Variants in ARFGEF3 observed in about 807,000 individuals in gnomAD.
ARFGEF3 encodes brefeldin A-inhibited guanine nucleotide-exchange protein 3.
A neutral mutation model predicts 221.7 loss-of-function variants in ARFGEF3; 96 were observed. The ratio of observed to expected loss-of-function variants is 0.43; its 90% CI spans 0.37 to 0.51. The LOEUF (loss-of-function observed/expected upper bound fraction) is 0.51. Ranked by LOEUF, ARFGEF3 falls within the 20% of genes least tolerant of loss-of-function variation. The probability of loss-of-function intolerance (pLI) is 0.00; values close to 1 mark genes in which losing one functional copy is unlikely to be tolerated. For missense variants in ARFGEF3, 2,410 were observed against 2,789.9 expected (o/e 0.86, Z 3.07); for synonymous variants, 1,145 against 1,126.8 (o/e 1.02, Z -0.32).
At chr6:138,265,618 G>A (rs1287606524) in intron 12 of ARFGEF3, among the ~76,000 whole-genome samples, 2 of 151,888 alleles carry the variant, frequency 1.3e-5, no homozygotes, top group Non-Finnish European at 1.5e-5. Flanking sequence ...GTGCATGTTT[G>A]TGTCTGTCTG....
At chr6:138,181,468 C>A (rs1777078030) in intron 2 of ARFGEF3, among the ~76,000 whole-genome samples, 1 of 152,116 alleles carries the variant, frequency 6.6e-6, no homozygotes, top group Non-Finnish European at 1.5e-5. Flanking sequence ...GAGACAGAGT[C>A]TCACTCACTC....
At chr6:138,296,670 G>A in intron 20 of ARFGEF3, 140 bp from the exon 21 acceptor site, 1 of 962,824 alleles carries the variant, frequency 1.0e-6, no homozygotes, top group South Asian at 1.6e-5. Flanking sequence ...TTGAATCCAG[G>A]GCTCCCTCCT....
intron 2 of ARFGEF3, among the ~76,000 whole-genome samples, chr6:138,204,395 C>T (rs1176310923): frequency 6.9e-6 from 1 of 145,044 alleles, no homozygotes; most frequent in African/African-American, 2.5e-5. Context: ...TGCTGAAGAT[C>T]ATGATCTGCA....
At chr6:138,205,091 G>A (rs1777603716) in intron 2 of ARFGEF3, among the ~76,000 whole-genome samples, 1 of 152,174 alleles carries the variant, frequency 6.6e-6, no homozygotes, top group South Asian at 2.1e-4. Context: ...TCCACAGATG[G>A]CAGAGTAATA....
intron 10 of ARFGEF3, among the ~76,000 whole-genome samples, chr6:138,258,595 C>A (rs80340144): frequency 6.6e-6 from 1 of 152,176 alleles, no homozygotes; most frequent in South Asian, 2.1e-4. Context: ...ATTGATTATA[C>A]GTCCCATAAC....
intron 14 of ARFGEF3, 64 bp downstream of exon 14, chr6:138,280,228 C>T (rs1359032719): frequency 6.6e-7 from 1 of 1,512,452 alleles, no homozygotes; most frequent in East Asian, 2.3e-5. Flanking sequence ...GCTTTAAAGC[C>T]TCTTTCAGAG....
Position 138,263,393 on chromosome 6 carries a change from T to C in ARFGEF3, c.1910T>C (p.Leu637Pro). 1 of 1,614,016 alleles carries C rather than the reference T, an allele frequency of 6.2e-7. No homozygotes were observed. The highest frequency in any genetic ancestry group is 8.5e-7 in the Non-Finnish European group (1 of 1,179,900). ...GACATTGGGTCGGACAACTGTTCACTAGCCGATGAAGAGCAGACACCCCGG... is the reference window on the plus strand; with the variant it reads ...GACATTGGGTCGGACAACTGTTCACCAGCCGATGAAGAGCAGACACCCCGG... Reference protein sequence around the residue: ...VSDIGSDNCSLADEEQTPRDC... With the variant: ...VSDIGSDNCSPADEEQTPRDC... The change falls in exon 12 of 34, where the codon CTA becomes CCA. Residue 637 changes from leucine (L) to proline (P), a missense_variant. By Grantham distance (98) the Leu-to-Pro change is moderately conservative. Transcript: ENST00000251691.
In ARFGEF3 at chr6:138,342,249, A is replaced by T. The variant is rs1241729613; in HGVS notation, c.*5763A>T. ...CAGTTAAGTAAATCAGGAAATTTGT[A>T]TTTCTAACAAGTTTATAGGTGAGGC... On this transcript the variant is annotated 3_prime_UTR_variant, in exon 34 of 34. Transcript: ENST00000251691. The T allele has an allele frequency of 6.6e-6, 1 of 152,154 alleles. No homozygotes were observed. The highest frequency in any genetic ancestry group is 1.5e-5 in the Non-Finnish European group (1 of 68,026). The allele number at this position is 152,154 out of a possible 1,614,324, so 9.4% of individuals were successfully genotyped here.
intron 2 of ARFGEF3, among the ~76,000 whole-genome samples, chr6:138,186,902 C>CTTTTTTTTTTTT (rs71693484): frequency 5.3e-5 from 4 of 76,002 alleles, no homozygotes; most frequent in Non-Finnish European, 7.0e-5. Flanking sequence ...CATCCTTTTT[C>CTTTTTTTTTTTT]TTTTTTTTTT....
At chr6:138,253,854 T>C in intron 8 of ARFGEF3, 26 bp from the exon 9 acceptor site, 1 of 1,526,662 alleles carries the variant, frequency 6.6e-7, no homozygotes, top group East Asian at 2.4e-5. Context: ...TTTGTCTGCA[T>C]TTGTGTCGGT....
chr6:138,209,981 A>G lies in ARFGEF3; in HGVS notation c.291A>G (p.Ile97Met), dbSNP rs746857899. ...DSDEKQLLNQ[I>M]LNAVKVTPSL... is the part of the protein sequence containing the mutation. Reference sequence around the variant, plus strand: ...ATGAGAAGCAGCTGCTCAATCAGATACTGAATGCCGTGAAAGTGACGCCTT... The same window carrying G: ...ATGAGAAGCAGCTGCTCAATCAGATGCTGAATGCCGTGAAAGTGACGCCTT... Residue 97 changes from isoleucine to methionine, a missense_variant, in exon 4 of 34, where the codon ATA becomes ATG. Around this residue, in one of 5 missense-constraint regions of ARFGEF3, gnomAD observed 570 missense variants for 586.9 expected, o/e 0.97. Coordinates refer to ENST00000251691, the MANE Select transcript of ARFGEF3 (RefSeq NM_020340.5). The G allele has an allele frequency of 5.6e-6, 9 of 1,613,760 alleles. No individual in the cohort carries two copies. The highest frequency in any genetic ancestry group is 2.2e-5 in the East Asian group (1 of 44,888).
rs375367958 is a variant in ARFGEF3, at chr6:138,286,858, C to T, written c.2727C>T (p.Asp909=). ...GIKEQNQKER[D]AICMSLDGLR... ...AAGAGCAGAACCAGAAGGAGCGGGACGCCATCTGCATGAGCCTCGACGGGC... is the reference window on the plus strand; with the variant it reads ...AAGAGCAGAACCAGAAGGAGCGGGATGCCATCTGCATGAGCCTCGACGGGC... The change falls in exon 16 of 34, where the codon GAC becomes GAT. Residue 909 remains aspartate, a synonymous_variant. Coordinates refer to ENST00000251691, the MANE Select transcript of ARFGEF3 (RefSeq NM_020340.5). 187 of 1,613,788 alleles carry T rather than the reference C, an allele frequency of 1.2e-4. No homozygotes were observed. The highest frequency in any genetic ancestry group is 2.0e-4 in the African/African-American group (15 of 74,932).
intron 33 of ARFGEF3, among the ~76,000 whole-genome samples, chr6:138,335,613 G>A (rs1780309454): frequency 6.6e-6 from 1 of 152,040 alleles, no homozygotes; most frequent in Non-Finnish European, 1.5e-5. Context: ...GGGAGGCTGA[G>A]CAAGGAGGAT....
chr6:138,180,632 T>C (rs941907951), intron 2 of ARFGEF3, among the ~76,000 whole-genome samples: 2 of 152,142 alleles, frequency 1.3e-5, no homozygotes, highest in East Asian at 1.9e-4. Flanking sequence ...TAAGACACTT[T>C]GGTTAGTCCA....
Position 138,335,033 on chromosome 6 carries a change from C to T in ARFGEF3, c.6187C>T (p.Leu2063=), listed in dbSNP as rs1224110502. 1 of 1,594,338 alleles carries T rather than the reference C, an allele frequency of 6.3e-7. No homozygotes were observed. The stretch of plus-strand genomic sequence containing the variant: ...GGGTCCCAGGGGCCAGGACTCCCCG[C>T]TGCTTCAGCGTCCCCAGCACTTGAT... ...PLGPRGQDSP[L]LQRPQHLMDQ... is the part of the protein sequence containing the mutation. The change falls in exon 33 of 34, where the codon CTG becomes TTG. Residue 2063 remains leucine (L), a synonymous_variant. Transcript: ENST00000251691.
chr6:138,206,911 A>C, intron 2 of ARFGEF3, 131 bp from the exon 3 acceptor site: 1 of 665,592 alleles, frequency 1.5e-6, no homozygotes, highest in Non-Finnish European at 2.7e-6. Flanking sequence ...GCCCATGTGC[A>C]TTTTTATTAT....
intron 10 of ARFGEF3, 50 bp from the exon 11 acceptor site, chr6:138,261,476 GC>G (rs1465566879): frequency 1.8e-6 from 2 of 1,114,700 alleles, no homozygotes; most frequent in Non-Finnish European, 2.6e-6. Context: ...AAAACCTTGT[GC>G]TTTTTTGTGA....
intron 25 of ARFGEF3, among the ~76,000 whole-genome samples, chr6:138,311,915 T>C (rs1355299936): frequency 1.3e-5 from 2 of 152,028 alleles, no homozygotes; most frequent in Non-Finnish European, 2.9e-5. Context: ...GTCAAGATCA[T>C]CTAGCAGAGA....
intron 12 of ARFGEF3, among the ~76,000 whole-genome samples, chr6:138,264,932 C>A (rs1778858824): frequency 7.1e-6 from 1 of 141,666 alleles, no homozygotes; most frequent in Non-Finnish European, 1.5e-5. Flanking sequence ...GAGAGAAAGT[C>A]TCACTCTGTC....
Sources: allele counts gnomAD v4.1 joint callset (sites outside exome capture counted in the v4.1 genomes callset), GRCh38; gene constraint gnomAD v4.1.1; regional missense constraint gnomAD v4.1.1; transcripts MANE v1.5; gene names NCBI Gene and HGNC (gene_info 2026-07-23, HGNC 2026-07-21).